Variants in MGAM observed in about 807,000 individuals in gnomAD.
The protein encoded by MGAM is alpha-1,4-glucosidase.
A neutral mutation model predicts 358.8 loss-of-function variants in MGAM; 253 were observed. The observed-to-expected ratio is 0.71, with a 90% CI of 0.64 to 0.78. The LOEUF (loss-of-function observed/expected upper bound fraction) is 0.78, where lower values mean the gene tolerates loss of function less well. Among genes scored for constraint, MGAM ranks in the 30% least tolerant of loss-of-function variants. MGAM has a pLI of 0.00. For synonymous variants in MGAM, 1,105 were observed against 1,227.1 expected, an observed-to-expected ratio of 0.90 and a Z score of 2.08; for missense variants, 3,080 against 3,432.6, an observed-to-expected ratio of 0.90 and a Z score of 2.57.
At chr7:142,020,601 A>AT (rs199598156) in intron 4 of MGAM, among the ~76,000 whole-genome samples, 1,656 of 134,256 alleles carry the variant, frequency 0.012, 22 homozygotes, top group African/African-American at 0.044. Context: ...ATATATATAT[A>AT]TATTTTTTTT....
chr7:142,025,852 T>C (rs1406111311), intron 8 of MGAM, among the ~76,000 whole-genome samples: 2 of 152,224 alleles, frequency 1.3e-5, no homozygotes, highest in Non-Finnish European at 2.9e-5. Context: ...TGATCTAACA[T>C]GATTCTAGGA....
chr7:142,103,138 A>G, intron 69 of MGAM, 131 bp from the exon 70 acceptor site: 1 of 796,400 alleles, frequency 1.3e-6, no homozygotes, highest in East Asian at 2.7e-5. Context: ...CATGATTTCC[A>G]TGATCCAAAG....
chr7:142,098,426 C>A (rs1340071806), intron 66 of MGAM, among the ~76,000 whole-genome samples: 4 of 151,910 alleles, frequency 2.6e-5, no homozygotes, highest in Non-Finnish European at 4.4e-5. Context: ...AGGAGAACAT[C>A]GTTGAGGGCT....
chr7:142,044,480 T>A (rs1278501918), intron 21 of MGAM, among the ~76,000 whole-genome samples: 112 of 133,980 alleles, frequency 8.4e-4, no homozygotes, highest in African/African-American at 1.7e-3. Flanking sequence ...ATATATAATG[T>A]ATATTATATA....
rs781892890 is a variant in MGAM at position 142,019,317 on chromosome 7, C to T, written c.446C>T (p.Ala149Val). The change falls in exon 4 of 71, where the codon GCA (alanine) becomes GTA (valine). Residue 149 changes from alanine (A) to valine (V), a missense_variant and splice_region_variant. Physicochemically the swap from Ala to Val is moderately conservative, Grantham distance 64. This residue lies in a region of MGAM where 1,816 missense variants were observed against 1,840.5 expected (regional missense o/e 0.99). Coordinates refer to ENST00000475668, the MANE Select transcript of MGAM (RefSeq NM_001365693.1). ...GAGGGCAACCTTGTCAACACAAATG[C>T]AGGTAAGCCAGAGTCTGCCATGATG... The part of the protein sequence containing the change: ...HVEGNLVNTN[A>V]GFTARLKNLP... 3.1e-6 allele frequency: 5 copies of T among 1,612,150 alleles called. No homozygotes were observed. The South Asian group carries it at 5.5e-5, about 18-fold the overall frequency.
intron 35 of MGAM, 104 bp from the exon 36 acceptor site, chr7:142,063,395 A>G (rs1249153164): frequency 1.5e-6 from 2 of 1,359,834 alleles, no homozygotes; most frequent in East Asian, 5.0e-5. Flanking sequence ...GCATCTACAG[A>G]GATTACTGGA....
intron 56 of MGAM, 87 bp downstream of exon 56, chr7:142,086,415 G>A: frequency 2.6e-6 from 3 of 1,163,238 alleles, no homozygotes; most frequent in East Asian, 2.7e-5. Flanking sequence ...GTTATTTTTG[G>A]CCTTTTCTAT....
In MGAM at chr7:142,099,779, C is replaced by T. The variant is rs756499433; in HGVS notation, c.7874+42C>T. 5 of 1,604,964 alleles carry T rather than the reference C, an allele frequency of 3.1e-6. No individual in the cohort carries two copies. The South Asian group carries it at 5.5e-5, about 18-fold the overall frequency. ...AGGTTTTCCTTTACATGTCAGTTAG[C>T]TCAACAATTTGTAATGAAGTCCACC... On this transcript the variant is annotated intron_variant, in intron 67 of 70. Coordinates refer to ENST00000475668, the MANE Select transcript of MGAM (RefSeq NM_001365693.1).
chr7:142,068,774 C>T, intron 43 of MGAM, 71 bp downstream of exon 43: 22 of 1,234,936 alleles, frequency 1.8e-5, no homozygotes, highest in Non-Finnish European at 2.6e-5. Flanking sequence ...GTCCGATAGA[C>T]CTTAGGTCAA....
In MGAM at chr7:142,062,763, T is replaced by C. The variant is rs115290343; in HGVS notation, c.4257+61T>C. ...TTGTCTATCTTTGTGTGCCTAAGTA[T>C]ATGTACCACTGACCTTCAATCAAGA... On this transcript the variant is annotated intron_variant, in intron 35 of 70. Transcript: ENST00000475668. 1,962 of 1,598,794 alleles carry C rather than the reference T, an allele frequency of 1.2e-3. 20 individuals carry two copies. The African/African-American group carries it at 0.02, about 17-fold the overall frequency.
At position 142,094,817 on chromosome 7, in the gene MGAM, G is replaced by A. The variant is rs756724019; in HGVS notation, c.7412G>A (p.Gly2471Glu). 1.9e-6 allele frequency: 3 copies of A among 1,613,750 alleles called. No individual in the cohort carries two copies. The highest frequency in any genetic ancestry group is 2.7e-5 in the African/African-American group (2 of 74,864). ...ATGTGTGTTCGCTGGATGCAGCTGG[G>A]GGCCTTTTACCCCTTCTCAAGAAAC... is the stretch of plus-strand genomic sequence containing the variant. ...YEMCVRWMQL[G>E]AFYPFSRNHN... The change falls in exon 63 of 71, where the codon GGG becomes GAG. Residue 2471 changes from glycine (G) to glutamate (E), a missense_variant. By Grantham distance (98) the Gly-to-Glu change is moderately conservative. Coordinates refer to ENST00000475668, the MANE Select transcript of MGAM (RefSeq NM_001365693.1).
chr7:142,068,461 T>TG (rs1004406371), intron 42 of MGAM, among the ~76,000 whole-genome samples, 186 bp from the exon 43 acceptor site: 8 of 145,724 alleles, frequency 5.5e-5, no homozygotes, highest in African/African-American at 1.9e-4. Context: ...CCACTTGTTT[T>TG]GGGTAGACAA....
intron 70 of MGAM, 25 bp from the exon 71 acceptor site, chr7:142,105,789 A>G (rs1216388297): frequency 1.3e-6 from 2 of 1,594,994 alleles, no homozygotes; most frequent in Non-Finnish European, 8.6e-7. Context: ...CGGATGCCCA[A>G]TTCTTTTCCT....
At chr7:141,991,672 T>G (rs1803955233), upstream of MGAM, among the ~76,000 whole-genome samples, 1 of 152,128 alleles carries the variant, frequency 6.6e-6, no homozygotes, top group Non-Finnish European at 1.5e-5. Flanking sequence ...CCTGACCTCA[T>G]GATCCGCCTG....
rs780089719 is a variant in MGAM, at chr7:142,074,151, C to T, written c.5253C>T (p.Phe1751=). 2 of 1,541,820 alleles carry T rather than the reference C, an allele frequency of 1.3e-6. 1 individual carries two copies. The highest frequency in any genetic ancestry group is 1.8e-6 in the Non-Finnish European group (2 of 1,124,998). ...DENKEAKGEL[F]WDDGQTKDTV... is the part of the protein sequence containing the mutation. ...ACAAAGAAGCAAAAGGAGAACTTTTCTGGGATGATGGGCAAACAAAGGGTG... is the reference window on the plus strand; with the variant it reads ...ACAAAGAAGCAAAAGGAGAACTTTTTTGGGATGATGGGCAAACAAAGGGTG... Residue 1751 remains phenylalanine, a synonymous_variant, in exon 45 of 71, where the codon TTC becomes TTT. Transcript: ENST00000475668.
chr7:142,023,239 T>G (rs1806628112), intron 7 of MGAM, among the ~76,000 whole-genome samples: 2 of 151,996 alleles, frequency 1.3e-5, no homozygotes, highest in African/African-American at 4.8e-5. Flanking sequence ...TTTTTGTATT[T>G]TTTTTGTAGA....
At chr7:142,068,547 C>G in intron 42 of MGAM, 100 bp from the exon 43 acceptor site, 1 of 973,120 alleles carries the variant, frequency 1.0e-6, no homozygotes. Context: ...GCAGCTGGGT[C>G]CAAAGCCATC....
At chr7:142,091,431 T>C (rs1815376683) in intron 57 of MGAM, among the ~76,000 whole-genome samples, 2 of 146,050 alleles carry the variant, frequency 1.4e-5, no homozygotes, top group Admixed American at 6.9e-5. Flanking sequence ...TAGAAAACAC[T>C]GAGGTGTACT....
chr7:142,028,921 A>G (rs1446516626), intron 10 of MGAM, among the ~76,000 whole-genome samples: 1 of 152,074 alleles, frequency 6.6e-6, no homozygotes, highest in Non-Finnish European at 1.5e-5. Flanking sequence ...TAACAGAAAA[A>G]GTGGTAAAAG....
Sources: allele counts gnomAD v4.1 joint callset (sites outside exome capture counted in the v4.1 genomes callset), GRCh38; gene constraint gnomAD v4.1.1; regional missense constraint gnomAD v4.1.1; transcripts MANE v1.5; gene names NCBI Gene and HGNC (gene_info 2026-07-23, HGNC 2026-07-21).